The following COA8 variants were observed in gnomAD, a reference collection of about 807,000 sequenced individuals.
COA8 encodes the protein UPF0671 protein C14orf153.
COA8 carries 20 observed loss-of-function variants against 22.0 expected under a neutral mutation model. The ratio of observed to expected loss-of-function variants is 0.91; its 90% CI spans 0.64 to 1.32. The LOEUF (loss-of-function observed/expected upper bound fraction) is 1.32, where lower values mean the gene tolerates loss of function less well. Among genes scored for constraint, COA8 ranks in the 40% most tolerant of loss-of-function variants. The pLI, the probability that COA8 is intolerant of heterozygous loss-of-function variation, is 0.00. For missense variants in COA8, 266 were observed against 230.0 expected (o/e 1.16, Z -1.01); for synonymous variants, 105 against 79.9 (o/e 1.31, Z -1.68).
At chr14:103,563,301 G>C in intron 1 of COA8, 177 bp downstream of exon 1, 7 of 861,552 alleles carry the variant, frequency 8.1e-6, no homozygotes, top group African/African-American at 1.7e-5. Context: ...GCCCTCAGTC[G>C]GATGGGACTG....
At chr14:103,574,261 G>A in intron 3 of COA8, 91 bp downstream of exon 3, 1 of 1,567,762 alleles carries the variant, frequency 6.4e-7, no homozygotes, top group Non-Finnish European at 8.8e-7. Flanking sequence ...GAGAGGTGGG[G>A]AAGTTCAGGG....
chr14:103,590,306 C>G lies in COA8; in HGVS notation c.*20C>G. 11 of 1,601,408 alleles carry G rather than the reference C, an allele frequency of 6.9e-6. No homozygotes were observed. Among genetic ancestry groups the G allele is most frequent in the Non-Finnish European group, 9.4e-6 (11 of 1,170,072 alleles). Reference sequence around the variant, plus strand: ...AACTAGGAGTCCACTCTGACCCAGCCAGAGTCCAGGTTTCCACAGGAAGCA... The same window carrying G: ...AACTAGGAGTCCACTCTGACCCAGCGAGAGTCCAGGTTTCCACAGGAAGCA... On this transcript the variant is annotated 3_prime_UTR_variant, in exon 5 of 5. Transcript: ENST00000409074.
At chr14:103,583,128 A>G (rs974086067) in intron 3 of COA8, among the ~76,000 whole-genome samples, 5 of 152,098 alleles carry the variant, frequency 3.3e-5, no homozygotes, top group African/African-American at 1.2e-4. Context: ...CGGATATACC[A>G]TGTTTTGTTT....
chr14:103,563,987 T>C (rs757334588), intron 1 of COA8, among the ~76,000 whole-genome samples: 46 of 152,118 alleles, frequency 3.0e-4, no homozygotes, highest in Non-Finnish European at 6.2e-4. Flanking sequence ...GAAACGTCTC[T>C]GCTAAAAATA....
intron 1 of COA8, among the ~76,000 whole-genome samples, chr14:103,567,248 C>T (rs1271883019): frequency 6.6e-6 from 1 of 151,802 alleles, no homozygotes; most frequent in Non-Finnish European, 1.5e-5. Context: ...TGGCGCATGC[C>T]TGTAATCCCA....
intron 4 of COA8, among the ~76,000 whole-genome samples, 161 bp downstream of exon 4, chr14:103,587,525 T>TTTA (rs2076317789): frequency 6.7e-6 from 1 of 149,018 alleles, no homozygotes; most frequent in African/African-American, 2.5e-5. Context: ...TTTTTTTTTT[T>TTTA]GAGACGGAGT....
At chr14:103,574,922 A>C (rs1052153876) in intron 3 of COA8, among the ~76,000 whole-genome samples, 1 of 152,172 alleles carries the variant, frequency 6.6e-6, no homozygotes, top group Non-Finnish European at 1.5e-5. Context: ...CACCTGTTGC[A>C]TTTCCCACAG....
chr14:103,585,343 G>T (rs2076297995), intron 3 of COA8, among the ~76,000 whole-genome samples: 1 of 151,008 alleles, frequency 6.6e-6, no homozygotes, highest in East Asian at 2.0e-4. Context: ...GCTGGGCGTG[G>T]TGGCACATAC....
chr14:103,583,541 CAAAAAAAAAAAAA>C (rs35726464), intron 3 of COA8, among the ~76,000 whole-genome samples: 4 of 53,104 alleles, frequency 7.5e-5, no homozygotes, highest in South Asian at 7.9e-4. Context: ...GACTCGATCT[CAAAAAAAAAAAAA>C]AAAAAAAAAA....
At chr14:103,571,398 G>A (rs1440373695) in intron 1 of COA8, among the ~76,000 whole-genome samples, 1 of 151,984 alleles carries the variant, frequency 6.6e-6, no homozygotes, top group Admixed American at 6.6e-5. Context: ...TAGCAAAGGT[G>A]GTTGAGTTTC....
rs927142373 is a variant in COA8 at position 103,590,454 on chromosome 14, G to A, written c.*168G>A. The A allele has an allele frequency of 4.1e-5, 24 of 592,238 alleles. No homozygotes were observed. Among genetic ancestry groups the A allele is most frequent in the East Asian group, 2.1e-4 (7 of 33,784 alleles). The allele number at this position is 592,238 out of a possible 1,614,324, so 36.7% of individuals were successfully genotyped here. A position where few individuals can be genotyped will look rare whatever the true frequency, so the allele number is the denominator to read the frequency against. On this transcript the variant is annotated 3_prime_UTR_variant, in exon 5 of 5. Transcript: ENST00000409074. ...GGTAGGTCCTGGGGCACTGTGGGCC[G>A]CCTGCCTGCTGATGTGGGCTCTAGG...
At chr14:103,576,039 G>A (rs2076227692) in intron 3 of COA8, among the ~76,000 whole-genome samples, 2 of 151,928 alleles carry the variant, frequency 1.3e-5, no homozygotes, top group Non-Finnish European at 2.9e-5. Flanking sequence ...CGGGCGCGGT[G>A]GTTCACGCCT....
Position 103,590,189 on chromosome 14 carries a change from A to G in COA8, c.485A>G (p.Tyr162Cys), listed in dbSNP as rs1178240444. Residue 162 changes from tyrosine (Y) to cysteine (C), a missense_variant, in exon 5 of 5, where the codon TAC becomes TGC. Tyr to Cys is a radical substitution (Grantham distance 194, BLOSUM62 -2). Coordinates refer to ENST00000409074, the MANE Select transcript of COA8 (RefSeq NM_001370595.2). ...CCTCTGTTTCTCTACAGAGATTGGT[A>G]CAAGCGCAATTTTGCCATCACCTTC... is the stretch of plus-strand genomic sequence containing the variant. ...QKHMYYNRDW[Y>C]KRNFAITFFM... The G allele has an allele frequency of 6.2e-7, 1 of 1,613,924 alleles. No homozygotes were observed. The highest frequency in any genetic ancestry group is 8.5e-7 in the Non-Finnish European group (1 of 1,179,930).
chr14:103,564,604 G>C lies in COA8; in HGVS notation c.123+1480G>C, dbSNP rs192588333. 1.4e-4 allele frequency among the ~76,000 whole-genome samples: 16 copies of C among 114,438 alleles called. No individual in the cohort carries two copies. In the East Asian group the frequency reaches 3.3e-3, roughly 23 times the overall value. The allele number at this position is 114,438 out of a possible 152,430, so 75.1% of individuals were successfully genotyped here. On this transcript the variant is annotated intron_variant, in intron 1 of 4. Coordinates refer to ENST00000409074, the MANE Select transcript of COA8 (RefSeq NM_001370595.2). ...TTTTTTTTTTTTTTTTTTTGAGTTG[G>C]AGTCTCCCTCTGTCGCCCAGGTGGG...
chr14:103,572,224 GT>G (rs1349145636), intron 2 of COA8, among the ~76,000 whole-genome samples: 1 of 152,090 alleles, frequency 6.6e-6, no homozygotes, highest in Non-Finnish European at 1.5e-5. Flanking sequence ...TTTGCTATTT[GT>G]TACGTGGTAG....
intron 2 of COA8, among the ~76,000 whole-genome samples, chr14:103,573,430 C>G (rs1566980312): frequency 2.6e-5 from 4 of 152,126 alleles, no homozygotes; most frequent in Non-Finnish European, 5.9e-5. Flanking sequence ...CTTGGCCTCC[C>G]AAAGTGCTGG....
At chr14:103,578,930 C>T (rs531037412) in intron 3 of COA8, among the ~76,000 whole-genome samples, 14 of 152,284 alleles carry the variant, frequency 9.2e-5, no homozygotes, top group Non-Finnish European at 1.3e-4. Flanking sequence ...ATGAGGTGCG[C>T]GGTTGCTGTC....
intron 2 of COA8, 29 bp from the exon 3 acceptor site, chr14:103,574,078 C>CTTTTTTTTTTTTTTTTTTTTTTTTTT (rs11337243): frequency 1.2e-6 from 1 of 867,788 alleles, no homozygotes. Context: ...TTCTGAGAGC[C>CTTTTTTTTTTTTTTTTTTTTTTTTTT]TTTTTTTTTT....
chr14:103,569,879 C>G (rs2076169290), intron 1 of COA8, among the ~76,000 whole-genome samples: 1 of 151,904 alleles, frequency 6.6e-6, no homozygotes, highest in African/African-American at 2.4e-5. Context: ...TTTTTTGAGA[C>G]GGAGTCTCGC....
Sources: gnomAD v4.1 joint callset for allele counts (sites outside exome capture counted in the v4.1 genomes callset) on GRCh38, gnomAD v4.1.1 for gene constraint, MANE v1.5 for transcripts, NCBI Gene and HGNC (gene_info 2026-07-23, HGNC 2026-07-21) for gene names.